The following CSMD1 variants were observed in gnomAD, a reference collection of about 807,000 sequenced individuals.
CSMD1 encodes the protein CUB and sushi domain-containing protein 1.
A neutral mutation model predicts 417.5 loss-of-function variants in CSMD1; 213 were observed. The observed-to-expected ratio is 0.51, with a 90% confidence interval of 0.46 to 0.57. CSMD1 has a LOEUF of 0.57. Among genes scored for constraint, CSMD1 ranks in the 20% least tolerant of loss-of-function variants. The pLI is 0.00. For synonymous variants in CSMD1, 2,862 were observed against 1,736.8 expected (o/e 1.65, Z -16.11); for missense variants, 6,923 against 4,529.7 (o/e 1.53, Z -15.17).
At chr8:3,703,702 A>G (rs1176386723) in intron 7 of CSMD1, among the ~76,000 whole-genome samples, 1 of 152,168 alleles carries the variant, frequency 6.6e-6, no homozygotes, top group Non-Finnish European at 1.5e-5. Flanking sequence ...TTCCAAACAC[A>G]GGCACTTTCA....
intron 2 of CSMD1, among the ~76,000 whole-genome samples, chr8:4,486,660 G>C (rs1300595602): frequency 2.0e-5 from 3 of 152,030 alleles, no homozygotes; most frequent in Admixed American, 6.6e-5. Context: ...TATAGATGGG[G>C]AAACTGAAGT....
chr8:3,177,173 G>A (rs953007083), intron 37 of CSMD1, among the ~76,000 whole-genome samples: 1 of 152,176 alleles, frequency 6.6e-6, no homozygotes, highest in Non-Finnish European at 1.5e-5. Context: ...GACCAGAAAA[G>A]AATCATCAGC....
At chr8:3,356,612 T>C (rs912541990) in intron 21 of CSMD1, among the ~76,000 whole-genome samples, 10 of 152,006 alleles carry the variant, frequency 6.6e-5, no homozygotes, top group Non-Finnish European at 8.8e-5. Context: ...GAGGCAGAGG[T>C]TGCATTGAGC....
intron 26 of CSMD1, among the ~76,000 whole-genome samples, chr8:3,236,248 T>C (rs907953537): frequency 6.6e-6 from 1 of 152,148 alleles, no homozygotes. Context: ...AATAATTATA[T>C]ATACATTTAG....
At chr8:4,377,177 G>C (rs1342237041) in intron 3 of CSMD1, among the ~76,000 whole-genome samples, 2 of 152,048 alleles carry the variant, frequency 1.3e-5, no homozygotes, top group African/African-American at 4.8e-5. Context: ...ATAGTGCATG[G>C]AATTGATTAC....
intron 2 of CSMD1, among the ~76,000 whole-genome samples, chr8:4,487,582 T>G (rs1198726432): frequency 6.6e-6 from 1 of 152,208 alleles, no homozygotes; most frequent in African/African-American, 2.4e-5. Context: ...ACATTTGGGT[T>G]GGTTCCAAGT....
intron 1 of CSMD1, among the ~76,000 whole-genome samples, chr8:4,921,032 G>A (rs575681124): frequency 4.2e-5 from 5 of 119,310 alleles, no homozygotes; most frequent in African/African-American, 9.4e-5. Context: ...AAGGAAGAAA[G>A]AAAGGAAGGA....
intron 40 of CSMD1, among the ~76,000 whole-genome samples, chr8:3,146,061 T>A (rs902551392): frequency 1.3e-5 from 2 of 152,234 alleles, no homozygotes; most frequent in African/African-American, 4.8e-5. Context: ...AAAGTGTTAA[T>A]ACCTATGGAA....
intron 26 of CSMD1, among the ~76,000 whole-genome samples, chr8:3,240,781 G>T (rs1177412527): frequency 6.6e-6 from 1 of 152,162 alleles, no homozygotes; most frequent in Non-Finnish European, 1.5e-5. Context: ...TGGGTGGATA[G>T]GCAAAACAAT....
At chr8:3,074,522 C>A (rs931882884) in intron 49 of CSMD1, among the ~76,000 whole-genome samples, 3 of 152,204 alleles carry the variant, frequency 2.0e-5, no homozygotes, top group African/African-American at 7.2e-5. Context: ...GTGGAGCAGC[C>A]TATTTGGATT....
intron 54 of CSMD1, among the ~76,000 whole-genome samples, chr8:2,989,338 T>G (rs556325723): frequency 6.6e-6 from 1 of 152,278 alleles, no homozygotes; most frequent in East Asian, 1.9e-4. Context: ...TGAATCTTAG[T>G]TCTGAAATAA....
chr8:4,030,921 G>C (rs970934747), intron 4 of CSMD1, among the ~76,000 whole-genome samples: 1 of 152,092 alleles, frequency 6.6e-6, no homozygotes, highest in African/African-American at 2.4e-5. Flanking sequence ...TAGGGCAGGG[G>C]CAAAATGCCA....
intron 5 of CSMD1, among the ~76,000 whole-genome samples, chr8:3,967,936 GGT>G (rs1198505255): frequency 6.7e-6 from 1 of 150,234 alleles, no homozygotes; most frequent in Non-Finnish European, 1.5e-5. Context: ...GGGAGGCCGA[GGT>G]GTGCGGATCA....
At chr8:4,869,291 T>A (rs577906079) in intron 1 of CSMD1, among the ~76,000 whole-genome samples, 2 of 152,170 alleles carry the variant, frequency 1.3e-5, no homozygotes, top group Admixed American at 6.5e-5. Context: ...CCATCCTGTT[T>A]TATCATTTGA....
chr8:3,590,716 A>T (rs1178032349), intron 8 of CSMD1, among the ~76,000 whole-genome samples: 3 of 152,186 alleles, frequency 2.0e-5, no homozygotes, highest in African/African-American at 7.2e-5. Flanking sequence ...TGCAGCTGGC[A>T]AACAGAGCCA....
intron 39 of CSMD1, among the ~76,000 whole-genome samples, chr8:3,154,006 A>T (rs186137898): frequency 1.3e-5 from 2 of 152,262 alleles, no homozygotes; most frequent in East Asian, 3.9e-4. Flanking sequence ...TTGCCCTGTC[A>T]CCCAGGCTGG....
intron 1 of CSMD1, among the ~76,000 whole-genome samples, chr8:4,807,283 G>A (rs541754397): frequency 4.5e-4 from 68 of 152,230 alleles, no homozygotes; most frequent in Non-Finnish European, 8.7e-4. Context: ...CATTGACTTT[G>A]GACATGGCCC....
At chr8:3,406,576 A>G (rs1004405794) in intron 14 of CSMD1, among the ~76,000 whole-genome samples, 3 of 152,088 alleles carry the variant, frequency 2.0e-5, no homozygotes, top group African/African-American at 7.2e-5. Flanking sequence ...TTTTCTTACT[A>G]TGTCAGAGGA....
chr8:3,188,845 C>A, intron 35 of CSMD1, 42 bp downstream of exon 35: 3 of 1,440,968 alleles, frequency 2.1e-6, no homozygotes, highest in Non-Finnish European at 1.8e-6. Flanking sequence ...CCCATGGACC[C>A]CAGCTGAGCC....
Sources: gnomAD v4.1 joint callset for allele counts (sites outside exome capture counted in the v4.1 genomes callset) on GRCh38, gnomAD v4.1.1 for gene constraint, MANE v1.5 for transcripts, NCBI Gene and HGNC (gene_info 2026-07-23, HGNC 2026-07-21) for gene names.